Variants in ZNF714 observed in about 807,000 individuals in gnomAD.
ZNF714 encodes zinc finger protein 714.
A neutral mutation model predicts 46.2 loss-of-function variants in ZNF714; 32 were observed. The ratio of observed to expected loss-of-function variants is 0.69; its 90% confidence interval spans 0.52 to 0.93. The LOEUF is 0.93. Ranked by LOEUF, ZNF714 falls within the 40% of genes least tolerant of loss-of-function variation. ZNF714 has a pLI of 0.00. For missense variants in ZNF714, 635 were observed against 646.3 expected, an observed-to-expected ratio of 0.98 and a Z score of 0.19; for synonymous variants, 199 against 213.1, an observed-to-expected ratio of 0.93 and a Z score of 0.58.
At position 21,124,148 on chromosome 19, in the gene ZNF714, C is replaced by T. The variant is rs1969754849; in HGVS notation, c.*5816C>T. The stretch of plus-strand genomic sequence containing the variant: ...CCCATGCAATGTGCTGGGTCCAAAC[C>T]ATGCTGTTAAATATCAGAGTTCCTA... On this transcript the variant is annotated 3_prime_UTR_variant, in exon 5 of 5. Coordinates refer to ENST00000456283, the MANE Select transcript of ZNF714 (RefSeq NM_182515.4). The T allele has an allele frequency of 6.6e-6, 1 of 152,156 alleles. No homozygotes were observed. The highest frequency in any genetic ancestry group is 6.5e-5 in the Admixed American group (1 of 15,278). 9.4% of individuals were successfully genotyped at this position (152,156 alleles called of 1,614,324 possible).
chr19:21,100,433 A>T (rs1183855486), intron 4 of ZNF714, among the ~76,000 whole-genome samples: 6 of 151,856 alleles, frequency 4.0e-5, no homozygotes, highest in Non-Finnish European at 2.9e-5. Flanking sequence ...TCAGGAGGCT[A>T]AGGCAGGAGA....
chr19:21,085,993 C>G (rs2144819492), intron 2 of ZNF714, among the ~76,000 whole-genome samples: 1 of 151,834 alleles, frequency 6.6e-6, no homozygotes, highest in South Asian at 2.1e-4. Context: ...TCCTAGGGAG[C>G]AGCAAACAAG....
chr19:21,120,897 C>G lies in ZNF714; in HGVS notation c.*2565C>G, dbSNP rs150875287. On this transcript the variant is annotated 3_prime_UTR_variant, in exon 5 of 5. Coordinates refer to ENST00000456283, the MANE Select transcript of ZNF714 (RefSeq NM_182515.4). Reference sequence around the variant, plus strand: ...TACATAATATGAGTATATATTTATGCACTTATATGGCATATTTTAGTACAG... The same window carrying G: ...TACATAATATGAGTATATATTTATGGACTTATATGGCATATTTTAGTACAG... 4.7e-4 allele frequency: 71 copies of G among 152,044 alleles called. No homozygotes were observed. Among genetic ancestry groups the G allele is most frequent in the African/African-American group, 1.6e-3 (68 of 41,474 alleles). 9.4% of individuals were successfully genotyped at this position (152,044 alleles called of 1,614,324 possible).
intron 4 of ZNF714, among the ~76,000 whole-genome samples, chr19:21,105,803 A>T (rs1969296801): frequency 6.6e-6 from 1 of 151,964 alleles, no homozygotes; most frequent in Admixed American, 6.6e-5. Context: ...AAAAATACAA[A>T]AATTAGCCGG....
At chr19:21,092,858 A>C (rs151034200) in intron 2 of ZNF714, among the ~76,000 whole-genome samples, 4 of 151,444 alleles carry the variant, frequency 2.6e-5, no homozygotes, top group African/African-American at 9.7e-5. Flanking sequence ...TTAGGTTCCT[A>C]AGGATAATGG....
intron 2 of ZNF714, among the ~76,000 whole-genome samples, chr19:21,095,653 A>C (rs1408955432): frequency 1.3e-5 from 2 of 151,592 alleles, no homozygotes; most frequent in Non-Finnish European, 2.9e-5. Flanking sequence ...TTTTTAGTAG[A>C]GATGGGGCTT....
At position 21,117,381 on chromosome 19, in the gene ZNF714, C is replaced by T. The variant is rs780019809; in HGVS notation, c.717C>T (p.Tyr239=). The change falls in exon 5 of 5, where the codon TAC becomes TAT. Residue 239 remains tyrosine, a synonymous_variant. Coordinates refer to ENST00000456283, the MANE Select transcript of ZNF714 (RefSeq NM_182515.4). ...GTGAAGAATGTGGCAAAGCCTTCTA[C>T]CATTCTTCACACCTTACTACACATA... ...YRCEECGKAF[Y]HSSHLTTHKV... 6.2e-7 allele frequency: 1 copy of T among 1,611,468 alleles called. No homozygotes were observed. Among genetic ancestry groups the T allele is most frequent in the Admixed American group, 1.7e-5 (1 of 59,772 alleles).
intron 4 of ZNF714, among the ~76,000 whole-genome samples, chr19:21,115,027 T>C (rs925945997): frequency 5.9e-5 from 9 of 152,164 alleles, no homozygotes; most frequent in African/African-American, 2.2e-4. Flanking sequence ...TTCTTTCTTA[T>C]TTTGTTTTGT....
At position 21,123,413 on chromosome 19, in the gene ZNF714, G is replaced by C. The variant is rs1256293979; in HGVS notation, c.*5081G>C. 6.6e-6 allele frequency among the ~76,000 whole-genome samples: 1 copy of C among 151,924 alleles called. No homozygotes were observed. Among genetic ancestry groups the C allele is most frequent in the Non-Finnish European group, 1.5e-5 (1 of 67,986 alleles). ...TCTGTCTCCCAGGCTAGAGTACAGT[G>C]GTGTGATCTTGGCTCACTGCAAGCT... On this transcript the variant is annotated 3_prime_UTR_variant, in exon 5 of 5. Transcript: ENST00000456283.
chr19:21,088,020 C>G (rs1479156116), intron 2 of ZNF714, among the ~76,000 whole-genome samples: 9 of 152,136 alleles, frequency 5.9e-5, no homozygotes, highest in Admixed American at 5.2e-4. Context: ...GACACAGACA[C>G]AAGTTTATAT....
intron 4 of ZNF714, among the ~76,000 whole-genome samples, chr19:21,108,848 A>G (rs2144863236): frequency 6.6e-6 from 1 of 152,268 alleles, no homozygotes. Context: ...CTTGATCTCT[A>G]CAATTATGTT....
chr19:21,090,485 G>T (rs1294941717), intron 2 of ZNF714, among the ~76,000 whole-genome samples: 1 of 152,176 alleles, frequency 6.6e-6, no homozygotes, highest in African/African-American at 2.4e-5. Flanking sequence ...GAATAGCAAT[G>T]AATATCCCGT....
At chr19:21,116,516 A>G (rs1969598984) in intron 4 of ZNF714, among the ~76,000 whole-genome samples, 1 of 152,168 alleles carries the variant, frequency 6.6e-6, no homozygotes, top group Non-Finnish European at 1.5e-5. Context: ...GAGTAGGAAG[A>G]ACTGTGTTGG....
chr19:21,087,736 A>G (rs1293984519), intron 2 of ZNF714, among the ~76,000 whole-genome samples: 1 of 152,214 alleles, frequency 6.6e-6, no homozygotes, highest in Non-Finnish European at 1.5e-5. Context: ...ATTAAATTTT[A>G]GCAAATCTTT....
chr19:21,117,973 T>C lies in ZNF714; in HGVS notation c.1309T>C (p.Ser437Pro). Residue 437 changes from serine (S) to proline (P), a missense_variant, in exon 5 of 5, where the codon TCC (serine) becomes CCC (proline). By Grantham distance (74) the Ser-to-Pro change is moderately conservative. Transcript: ENST00000456283. ...AGAATGTGGCAAAGCTTTTAACCGA[T>C]CCTCAAACCTTACTACACATAAGAG... Reference protein sequence around the residue: ...CEECGKAFNRSSNLTTHKRIH... With the variant: ...CEECGKAFNRPSNLTTHKRIH... 6.2e-7 allele frequency: 1 copy of C among 1,613,498 alleles called. No individual in the cohort carries two copies. Among genetic ancestry groups the C allele is most frequent in the Non-Finnish European group, 8.5e-7 (1 of 1,179,940 alleles).
intron 2 of ZNF714, among the ~76,000 whole-genome samples, chr19:21,095,155 T>C (rs1198265830): frequency 6.6e-6 from 1 of 152,178 alleles, no homozygotes; most frequent in East Asian, 1.9e-4. Flanking sequence ...TTTAATTAGG[T>C]CCCTGTTGGG....
At chr19:21,098,974 A>G in intron 4 of ZNF714, 64 bp downstream of exon 4, 2 of 1,023,094 alleles carry the variant, frequency 2.0e-6, no homozygotes, top group Non-Finnish European at 2.8e-6. Context: ...AAAAAAAAAA[A>G]GCAAGCCGGC....
At position 21,117,604 on chromosome 19, in the gene ZNF714, A is replaced by C. The variant is rs919299848; in HGVS notation, c.940A>C (p.Lys314Gln). The change falls in exon 5 of 5, where the codon AAA (lysine) becomes CAA (glutamine). Residue 314 changes from lysine to glutamine, a missense_variant. Coordinates refer to ENST00000456283, the MANE Select transcript of ZNF714 (RefSeq NM_182515.4). ...AATTCATTCTGGAGAGAAATCTTAC[A>C]AATGTGAACAATGTGGCAAAGGCTT... ...KIIHSGEKSY[K>Q]CEQCGKGFNW... The C allele has an allele frequency of 6.2e-7, 1 of 1,610,874 alleles. No homozygotes were observed. The highest frequency in any genetic ancestry group is 8.5e-7 in the Non-Finnish European group (1 of 1,178,198).
In ZNF714 at chr19:21,119,660, A is replaced by G. The variant is rs1051100410; in HGVS notation, c.*1328A>G. The G allele has an allele frequency of 1.3e-5, 2 of 152,366 alleles. No homozygotes were observed. The highest frequency in any genetic ancestry group is 2.9e-5 in the Non-Finnish European group (2 of 68,040). The allele number at this position is 152,366 out of a possible 1,614,324, so 9.4% of individuals were successfully genotyped here. ...CAGCTTAGAAAACAGAGTTCATACT[A>G]GAATATATTTTTGCAGATGCAGTAA... On this transcript the variant is annotated 3_prime_UTR_variant, in exon 5 of 5. Coordinates refer to ENST00000456283, the MANE Select transcript of ZNF714 (RefSeq NM_182515.4).
Sources: allele counts gnomAD v4.1 joint callset (sites outside exome capture counted in the v4.1 genomes callset), GRCh38; gene constraint gnomAD v4.1.1; transcripts MANE v1.5; gene names NCBI Gene and HGNC (gene_info 2026-07-23, HGNC 2026-07-21).